Variants in GRIN2A observed in about 807,000 individuals in gnomAD.
GRIN2A encodes glutamate ionotropic receptor NMDA type subunit 2A, also known as glutamate receptor ionotropic, NMDA 2A.
Under a neutral mutation model 113.4 loss-of-function variants are expected in GRIN2A, and 22 were observed. The ratio of observed to expected loss-of-function variants is 0.19; its 90% confidence interval spans 0.14 to 0.28. The LOEUF is 0.28. GRIN2A is among the 10% of genes least tolerant of loss of function. The probability of loss-of-function intolerance (pLI) is 1.00; values close to 1 mark genes in which losing one functional copy is unlikely to be tolerated. For synonymous variants in GRIN2A, 827 were observed against 738.4 expected (o/e 1.12, Z -1.94); for missense variants, 1,502 against 1,887.0 (o/e 0.80, Z 3.78).
At chr16:10,018,815 T>C (rs565876839) in intron 2 of GRIN2A, among the ~76,000 whole-genome samples, 2 of 152,290 alleles carry the variant, frequency 1.3e-5, no homozygotes, top group East Asian at 1.9e-4. Flanking sequence ...CCAGAATCTC[T>C]GAGTTGCAGA....
intron 2 of GRIN2A, among the ~76,000 whole-genome samples, chr16:10,133,977 A>G (rs551986998): frequency 4.3e-4 from 66 of 152,184 alleles, no homozygotes; most frequent in African/African-American, 1.3e-3. Context: ...GAGCCCAGAC[A>G]TTGGAGACCA....
intron 2 of GRIN2A, among the ~76,000 whole-genome samples, chr16:9,969,320 T>C (rs1008101671): frequency 6.6e-6 from 1 of 152,192 alleles, no homozygotes; most frequent in African/African-American, 2.4e-5. Context: ...CTTGTCCTTC[T>C]CTTATATCCC....
intron 2 of GRIN2A, among the ~76,000 whole-genome samples, chr16:10,092,175 T>C (rs1209585037): frequency 6.6e-6 from 1 of 152,228 alleles, no homozygotes; most frequent in Non-Finnish European, 1.5e-5. Flanking sequence ...GGAATGGTTC[T>C]AGCCTCATTC....
At chr16:9,804,739 C>CAAAAG (rs1231863769) in intron 10 of GRIN2A, among the ~76,000 whole-genome samples, 1 of 152,114 alleles carries the variant, frequency 6.6e-6, no homozygotes, top group Non-Finnish European at 1.5e-5. Flanking sequence ...TGCTGGAGCT[C>CAAAAG]AAAAGAATGC....
intron 4 of GRIN2A, among the ~76,000 whole-genome samples, chr16:9,857,538 C>G (rs2141388213): frequency 6.6e-6 from 1 of 152,200 alleles, no homozygotes; most frequent in South Asian, 2.1e-4. Flanking sequence ...GCAAAGTTGC[C>G]AGGAGTTTAA....
chr16:10,037,862 T>G (rs1016058265), intron 2 of GRIN2A, among the ~76,000 whole-genome samples: 15 of 152,260 alleles, frequency 9.9e-5, no homozygotes, highest in Non-Finnish European at 1.9e-4. Context: ...CAAGCAATCC[T>G]CTTGTCTCAG....
At chr16:9,799,664 GA>G (rs1903234320) in intron 10 of GRIN2A, among the ~76,000 whole-genome samples, 1 of 152,088 alleles carries the variant, frequency 6.6e-6, no homozygotes, top group African/African-American at 2.4e-5. Flanking sequence ...TTTTAATCCC[GA>G]AAATGTTATT....
At chr16:9,993,356 T>C (rs1415559795) in intron 2 of GRIN2A, among the ~76,000 whole-genome samples, 1 of 151,932 alleles carries the variant, frequency 6.6e-6, no homozygotes, top group East Asian at 1.9e-4. Flanking sequence ...TCGAGACTAG[T>C]CTAGGCAACA....
intron 10 of GRIN2A, among the ~76,000 whole-genome samples, chr16:9,817,431 C>T (rs2042206040): frequency 6.6e-6 from 1 of 152,174 alleles, no homozygotes; most frequent in Non-Finnish European, 1.5e-5. Context: ...ACAGTTGGTC[C>T]ATTGGCCAGG....
chr16:9,820,085 C>T (rs1424435355), intron 10 of GRIN2A, among the ~76,000 whole-genome samples: 1 of 152,040 alleles, frequency 6.6e-6, no homozygotes, highest in East Asian at 1.9e-4. Flanking sequence ...TATTATATGG[C>T]TTCCAGAAAC....
intron 3 of GRIN2A, among the ~76,000 whole-genome samples, chr16:9,897,973 G>A (rs1217410090): frequency 6.6e-6 from 1 of 151,536 alleles, no homozygotes; most frequent in East Asian, 1.9e-4. Context: ...TCATGACATC[G>A]AGGAAAGAGA....
At chr16:10,050,972 T>C (rs1190978420) in intron 2 of GRIN2A, among the ~76,000 whole-genome samples, 6 of 152,216 alleles carry the variant, frequency 3.9e-5, no homozygotes, top group Non-Finnish European at 8.8e-5. Flanking sequence ...TAATTTGTTA[T>C]GGCAGCAATA....
At chr16:9,827,645 T>C (rs2284239) in intron 9 of GRIN2A, among the ~76,000 whole-genome samples, 45,360 of 152,160 alleles carry the variant, frequency 0.3, 7,286 homozygotes, top group African/African-American at 0.42. Flanking sequence ...ACCATTCCAG[T>C]GCCCAAAGGC....
chr16:9,934,109 A>C (rs2044657812), intron 3 of GRIN2A, among the ~76,000 whole-genome samples: 1 of 152,228 alleles, frequency 6.6e-6, no homozygotes, highest in South Asian at 2.1e-4. Flanking sequence ...TTGCTTTCAA[A>C]ATGTTGAAAC....
intron 2 of GRIN2A, among the ~76,000 whole-genome samples, chr16:10,053,592 G>A (rs1420395689): frequency 6.6e-6 from 1 of 152,162 alleles, no homozygotes; most frequent in Non-Finnish European, 1.5e-5. Context: ...GTTTTAGGAG[G>A]GCAAATGTTG....
At chr16:10,017,525 T>A (rs2046633617) in intron 2 of GRIN2A, among the ~76,000 whole-genome samples, 1 of 152,164 alleles carries the variant, frequency 6.6e-6, no homozygotes, top group Admixed American at 6.5e-5. Flanking sequence ...AAGTCACTAC[T>A]CTCTGAGGGT....
intron 2 of GRIN2A, among the ~76,000 whole-genome samples, chr16:10,036,312 G>C (rs2047024016): frequency 6.6e-6 from 1 of 151,896 alleles, no homozygotes; most frequent in South Asian, 2.1e-4. Flanking sequence ...GGTGTCGGTG[G>C]TTCCCTCTGG....
intron 2 of GRIN2A, among the ~76,000 whole-genome samples, chr16:10,140,106 G>A (rs1003752693): frequency 2.5e-4 from 38 of 152,178 alleles, no homozygotes; most frequent in African/African-American, 8.2e-4. Context: ...AAATATTTAA[G>A]TTTATTTGCT....
At chr16:10,066,131 T>C (rs1333373623) in intron 2 of GRIN2A, among the ~76,000 whole-genome samples, 2 of 152,326 alleles carry the variant, frequency 1.3e-5, no homozygotes, top group East Asian at 3.9e-4. Flanking sequence ...AAGCAGACGA[T>C]GCTCTTCATC....
Sources: allele counts gnomAD v4.1 joint callset (sites outside exome capture counted in the v4.1 genomes callset), GRCh38; gene constraint gnomAD v4.1.1; transcripts MANE v1.5; gene names NCBI Gene and HGNC (gene_info 2026-07-23, HGNC 2026-07-21).